The following XIRP2 variants were observed in gnomAD, a reference collection of about 807,000 sequenced individuals.
The protein encoded by XIRP2 is xin actin binding repeat containing 2.
In XIRP2, 236 loss-of-function variants were observed where a neutral mutation model predicts 277.0. The observed-to-expected ratio is 0.85, with a 90% CI of 0.77 to 0.95. The LOEUF (loss-of-function observed/expected upper bound fraction) is 0.95, where lower values mean the gene tolerates loss of function less well. Among genes scored for constraint, XIRP2 ranks in the 40% least tolerant of loss-of-function variants. The probability of loss-of-function intolerance (pLI) is 0.00; values close to 1 mark genes in which losing one functional copy is unlikely to be tolerated. For missense variants in XIRP2, 4,640 were observed against 4,157.5 expected (o/e 1.12, Z -3.19); for synonymous variants, 1,490 against 1,416.5 (o/e 1.05, Z -1.17).
intron 2 of XIRP2, among the ~76,000 whole-genome samples, chr2:167,004,936 G>A (rs1019693833): frequency 6.6e-6 from 1 of 151,830 alleles, no homozygotes. Flanking sequence ...CTGACATGGT[G>A]CAATGTAACA....
chr2:167,089,715 C>T (rs2105273729), intron 2 of XIRP2, among the ~76,000 whole-genome samples: 1 of 152,222 alleles, frequency 6.6e-6, no homozygotes, highest in African/African-American at 2.4e-5. Context: ...TTACGTGACA[C>T]AGAACAGGGG....
In XIRP2 at chr2:167,246,885, A is replaced by G; in HGVS notation, c.5493A>G (p.Ile1831Met). The G allele has an allele frequency of 6.2e-7, 1 of 1,613,576 alleles. No homozygotes were observed. The highest frequency in any genetic ancestry group is 8.5e-7 in the Non-Finnish European group (1 of 1,179,786). ...AGCCTCAGAGTACATTTGGTAAGATACCCAAAGAAGAGATTATAAAAGGTG... is the reference window on the plus strand; with the variant it reads ...AGCCTCAGAGTACATTTGGTAAGATGCCCAAAGAAGAGATTATAAAAGGTG... The part of the protein sequence containing the change: ...MTEPQSTFGK[I>M]PKEEIIKGDL... Residue 1831 changes from isoleucine to methionine, a missense_variant, in exon 9 of 11, where the codon ATA becomes ATG. Physicochemically the swap from Ile to Met is conservative, Grantham distance 10 (BLOSUM62 1). Coordinates refer to ENST00000409195, the MANE Select transcript of XIRP2 (RefSeq NM_152381.6).
At chr2:167,148,243 G>T (rs1691913010) in intron 3 of XIRP2, among the ~76,000 whole-genome samples, 1 of 151,678 alleles carries the variant, frequency 6.6e-6, no homozygotes, top group South Asian at 2.1e-4. Flanking sequence ...TTTGCTGGGT[G>T]TGGTGGCATG....
intron 3 of XIRP2, among the ~76,000 whole-genome samples, chr2:167,173,185 A>G (rs1008150255): frequency 6.6e-6 from 1 of 152,200 alleles, no homozygotes; most frequent in African/African-American, 2.4e-5. Context: ...TATTGACTAT[A>G]GTCCCCCTGT....
At chr2:166,942,732 T>C (rs968777011) in intron 2 of XIRP2, among the ~76,000 whole-genome samples, 1 of 152,180 alleles carries the variant, frequency 6.6e-6, no homozygotes, top group African/African-American at 2.4e-5. Flanking sequence ...AAAATTTCTG[T>C]TTTTCACATA....
Position 167,244,965 on chromosome 2 carries a change from T to G in XIRP2, c.3573T>G (p.Asp1191Glu). 1 of 1,613,228 alleles carries G rather than the reference T, an allele frequency of 6.2e-7. No homozygotes were observed. The highest frequency in any genetic ancestry group is 2.2e-5 in the East Asian group (1 of 44,838). The part of the protein sequence containing the change: ...EVKEIKPVEM[D>E]IQAGDVSSMR... ...AGGAAATCAAGCCTGTTGAAATGGA[T>G]ATACAAGCTGGAGATGTTTCCAGCA... Residue 1191 changes from aspartate (D) to glutamate (E), a missense_variant, in exon 9 of 11, where the codon GAT becomes GAG. Physicochemically the swap from Asp to Glu is conservative, Grantham distance 45. Coordinates refer to ENST00000409195, the MANE Select transcript of XIRP2 (RefSeq NM_152381.6).
At chr2:166,969,627 T>C (rs1031997403) in intron 2 of XIRP2, among the ~76,000 whole-genome samples, 1 of 151,958 alleles carries the variant, frequency 6.6e-6, no homozygotes, top group African/African-American at 2.4e-5. Context: ...TCTAAAAATA[T>C]TTTAAAGCAT....
rs933659491 is a variant in XIRP2 at position 166,889,892 on chromosome 2, A to G, written c.-19+1335A>G. ...CTCCTTGTTATTCTTCTCCATAGCAAGCAATCCTCAAGCAGGTATTGAATT... is the reference window on the plus strand; with the variant it reads ...CTCCTTGTTATTCTTCTCCATAGCAGGCAATCCTCAAGCAGGTATTGAATT... On this transcript the variant is annotated intron_variant, in intron 1 of 10. Coordinates refer to ENST00000409195, the MANE Select transcript of XIRP2 (RefSeq NM_152381.6). 2 of 97,764 alleles carry G rather than the reference A, an allele frequency of 2.0e-5. 1 individual carries two copies. Among genetic ancestry groups the G allele is most frequent in the African/African-American group, 5.7e-5 (2 of 34,904 alleles). 6.1% of individuals were successfully genotyped at this position (97,764 alleles called of 1,614,324 possible).
At chr2:167,168,417 GT>G (rs1443848467) in intron 3 of XIRP2, among the ~76,000 whole-genome samples, 1 of 151,790 alleles carries the variant, frequency 6.6e-6, no homozygotes, top group African/African-American at 2.4e-5. Flanking sequence ...TTCTGTCCTG[GT>G]TTTTTGTTTG....
intron 3 of XIRP2, among the ~76,000 whole-genome samples, chr2:167,181,682 CCT>C (rs1693012983): frequency 6.6e-6 from 1 of 152,052 alleles, no homozygotes. Flanking sequence ...TTCATTCATT[CCT>C]GTCTTTATTG....
chr2:167,048,130 G>A (rs1279592757), intron 2 of XIRP2, among the ~76,000 whole-genome samples: 1 of 151,880 alleles, frequency 6.6e-6, no homozygotes, highest in Non-Finnish European at 1.5e-5. Context: ...GTAACAGTGG[G>A]CATCAGTTAT....
intron 3 of XIRP2, among the ~76,000 whole-genome samples, chr2:167,197,812 G>A (rs1693561912): frequency 6.6e-6 from 1 of 152,010 alleles, no homozygotes; most frequent in Non-Finnish European, 1.5e-5. Context: ...TACTTCACTT[G>A]AGTTTAAATA....
At chr2:166,978,205 TA>T (rs1686766819) in intron 2 of XIRP2, among the ~76,000 whole-genome samples, 1 of 152,198 alleles carries the variant, frequency 6.6e-6, no homozygotes, top group African/African-American at 2.4e-5. Context: ...TGTATTTGTT[TA>T]TTTGCACTCT....
At chr2:167,257,668 C>T (rs912402537) in intron 10 of XIRP2, among the ~76,000 whole-genome samples, 189 bp from the exon 11 acceptor site, 1 of 151,984 alleles carries the variant, frequency 6.6e-6, no homozygotes, top group Non-Finnish European at 1.5e-5. Context: ...ATTCTAAACA[C>T]TGCAAGACAT....
At chr2:167,011,725 T>A (rs1687684956) in intron 2 of XIRP2, among the ~76,000 whole-genome samples, 1 of 151,854 alleles carries the variant, frequency 6.6e-6, no homozygotes. Context: ...GTTGGTAAGC[T>A]ATTGATTATT....
chr2:167,142,438 C>T (rs2105324478), intron 3 of XIRP2, among the ~76,000 whole-genome samples: 1 of 152,144 alleles, frequency 6.6e-6, no homozygotes, highest in South Asian at 2.1e-4. Flanking sequence ...GTCCCAGCTA[C>T]TCGGGAGGCT....
At chr2:167,078,510 T>C (rs568067827) in intron 2 of XIRP2, among the ~76,000 whole-genome samples, 1 of 152,228 alleles carries the variant, frequency 6.6e-6, no homozygotes, top group African/African-American at 2.4e-5. Flanking sequence ...TACTATTAGG[T>C]TGGTGCAAAA....
In XIRP2 at chr2:167,254,139, A is replaced by G. The variant is rs1695595941; in HGVS notation, c.*13A>G. Reference sequence around the variant, plus strand: ...AGAATTTTCATAAGTCCTGCTTCCGATGCCACCATTGCAACAGTAAACTAA... The same window carrying G: ...AGAATTTTCATAAGTCCTGCTTCCGGTGCCACCATTGCAACAGTAAACTAA... On this transcript the variant is annotated 3_prime_UTR_variant, in exon 10 of 11. Transcript: ENST00000409195. 12 of 1,610,346 alleles carry G rather than the reference A, an allele frequency of 7.5e-6. No homozygotes were observed. Among genetic ancestry groups the G allele is most frequent in the Non-Finnish European group, 1.0e-5 (12 of 1,178,006 alleles).
rs759421900 is a variant in XIRP2 at position 167,245,215 on chromosome 2, G to C, written c.3823G>C (p.Gly1275Arg). 3.1e-6 allele frequency: 5 copies of C among 1,613,704 alleles called. No homozygotes were observed. The South Asian group carries it at 3.3e-5, about 11-fold the overall frequency. ...CATACAAGGTGGGGATGTAAGAAAG[G>C]GGTGCTTTATTTTTGAGACTTTTTC... ...TDIQGGDVRKGCFIFETFSLD... is the reference protein window; with the variant it reads ...TDIQGGDVRKRCFIFETFSLD... Residue 1275 changes from glycine (G) to arginine (R), a missense_variant, in exon 9 of 11, where the codon GGG becomes CGG. By Grantham distance (125) the Gly-to-Arg change is moderately radical. Transcript: ENST00000409195.
Sources: allele counts gnomAD v4.1 joint callset (sites outside exome capture counted in the v4.1 genomes callset), GRCh38; gene constraint gnomAD v4.1.1; transcripts MANE v1.5; gene names NCBI Gene and HGNC (gene_info 2026-07-23, HGNC 2026-07-21).